The following SCAF8 variants were observed in gnomAD, a reference collection of about 807,000 sequenced individuals.
SCAF8 encodes SR-related and CTD-associated factor 8.
In SCAF8, 23 loss-of-function variants were observed where a neutral mutation model predicts 140.5. The observed-to-expected ratio is 0.16, with a 90% CI of 0.12 to 0.23. The LOEUF is 0.23. SCAF8 is among the 10% of genes least tolerant of loss of function. The probability of loss-of-function intolerance (pLI) is 1.00; values close to 1 mark genes in which losing one functional copy is unlikely to be tolerated. For missense variants in SCAF8, 1,397 were observed against 1,555.7 expected (o/e 0.90, Z 1.72); for synonymous variants, 575 against 528.9 (o/e 1.09, Z -1.20).
rs370774120 is a variant in SCAF8 at position 154,809,975 on chromosome 6, A to G, written c.1227-40A>G. 64 of 1,514,610 alleles carry G rather than the reference A, an allele frequency of 4.2e-5. 2 individuals are homozygous for G. In the South Asian group the frequency reaches 4.8e-4, roughly 11 times the overall value. 93.8% of individuals were successfully genotyped at this position (1,514,610 alleles called of 1,614,324 possible). A position where few individuals can be genotyped will look rare whatever the true frequency, so the allele number is the denominator to read the frequency against. The stretch of plus-strand genomic sequence containing the variant: ...TAGAAGTGACAGATTTGGTAGAAAG[A>G]AAACATTGTCATTAGAAGTAAAATG... On this transcript the variant is annotated intron_variant, in intron 11 of 19. Transcript: ENST00000367178.
intron 1 of SCAF8, among the ~76,000 whole-genome samples, chr6:154,755,471 G>A (rs1274629159): frequency 2.6e-5 from 4 of 151,954 alleles, no homozygotes; most frequent in Admixed American, 1.3e-4. Flanking sequence ...GTCTGGTCTC[G>A]AACTCCTGAC....
intron 3 of SCAF8, among the ~76,000 whole-genome samples, chr6:154,779,506 A>G (rs1215531290): frequency 6.6e-6 from 1 of 152,212 alleles, no homozygotes; most frequent in Admixed American, 6.5e-5. Flanking sequence ...CAATTTGAGT[A>G]GTAAAGGTTT....
chr6:154,741,915 G>GT (rs1416192712), intron 1 of SCAF8: 1 of 1,406,940 alleles, frequency 7.1e-7, no homozygotes, highest in Admixed American at 2.0e-5. Flanking sequence ...ATTTTGTCTG[G>GT]TTTTGTGTTC....
chr6:154,733,825 G>A lies in SCAF8; in HGVS notation c.-76G>A. ...CCTCCTCGCGGCCACGCAGCAGCCC[G>A]CGTCTCGCTCTCCCCACCCAGTGCA... is the stretch of plus-strand genomic sequence containing the variant. On this transcript the variant is annotated 5_prime_UTR_variant, in exon 1 of 20. Transcript: ENST00000367178. 10 of 1,495,948 alleles carry A rather than the reference G, an allele frequency of 6.7e-6. No homozygotes were observed. The highest frequency in any genetic ancestry group is 8.9e-6 in the Non-Finnish European group (10 of 1,127,024). The allele number at this position is 1,495,948 out of a possible 1,614,324, so 92.7% of individuals were successfully genotyped here.
chr6:154,775,280 C>T (rs552980362), intron 2 of SCAF8, among the ~76,000 whole-genome samples: 1 of 152,186 alleles, frequency 6.6e-6, no homozygotes, highest in East Asian at 1.9e-4. Context: ...ACATTGAAGC[C>T]AGGAAATGTT....
At chr6:154,828,255 G>C (rs1778626044) in intron 18 of SCAF8, among the ~76,000 whole-genome samples, 1 of 152,146 alleles carries the variant, frequency 6.6e-6, no homozygotes, top group Admixed American at 6.5e-5. Flanking sequence ...TGAAGAAAAA[G>C]TTTTCCTTAA....
intron 6 of SCAF8, among the ~76,000 whole-genome samples, chr6:154,796,389 C>CTCTCTCTTTGTCTG (rs376622207): frequency 7.1e-6 from 1 of 140,968 alleles, no homozygotes; most frequent in Admixed American, 7.1e-5. Flanking sequence ...CTCTCTCTCT[C>CTCTCTCTTTGTCTG]TCTGTCTCTC....
At chr6:154,737,831 C>T (rs1778465844) in intron 1 of SCAF8, among the ~76,000 whole-genome samples, 1 of 152,258 alleles carries the variant, frequency 6.6e-6, no homozygotes, top group African/African-American at 2.4e-5. Flanking sequence ...GATCTGCCCA[C>T]CTCCCCTCCC....
chr6:154,745,988 C>T (rs1043331133), intron 1 of SCAF8, among the ~76,000 whole-genome samples: 20 of 152,050 alleles, frequency 1.3e-4, no homozygotes, highest in Non-Finnish European at 2.1e-4. Context: ...CAGGTTCAAG[C>T]GATTCTCGTG....
chr6:154,765,429 A>G (rs993920048), intron 1 of SCAF8, among the ~76,000 whole-genome samples: 5 of 152,252 alleles, frequency 3.3e-5, no homozygotes, highest in Non-Finnish European at 7.3e-5. Context: ...TACTCTAACC[A>G]ATTTATAAAG....
intron 1 of SCAF8, among the ~76,000 whole-genome samples, chr6:154,757,094 C>T (rs949665740): frequency 6.6e-6 from 1 of 152,050 alleles, no homozygotes; most frequent in South Asian, 2.1e-4. Flanking sequence ...GGTGCAACCT[C>T]TGTCTTCTGG....
chr6:154,794,984 G>C, intron 5 of SCAF8, 25 bp from the exon 6 acceptor site: 1 of 1,563,282 alleles, frequency 6.4e-7, no homozygotes, highest in East Asian at 2.3e-5. Flanking sequence ...TATTTATTTG[G>C]GGGGTGTGAT....
intron 1 of SCAF8, among the ~76,000 whole-genome samples, chr6:154,736,857 T>C (rs184006009): frequency 6.6e-6 from 1 of 152,336 alleles, no homozygotes; most frequent in Admixed American, 6.5e-5. Flanking sequence ...TCCTTATTTA[T>C]TTATATGCTC....
In SCAF8 at chr6:154,820,209, A is replaced by G. The variant is rs748368104; in HGVS notation, c.1668A>G (p.Thr556=). 3.7e-6 allele frequency: 6 copies of G among 1,604,176 alleles called. No individual in the cohort carries two copies. Among genetic ancestry groups the G allele is most frequent in the Non-Finnish European group, 5.1e-6 (6 of 1,177,556 alleles). The part of the protein sequence containing the change: ...IAWALNKGVK[T]EYKQFWDVDL... ...GGGCTTTAAACAAAGGTGTAAAAACAGAATACAAACAATTCTGGGATGTGG... is the reference window on the plus strand; with the variant it reads ...GGGCTTTAAACAAAGGTGTAAAAACGGAATACAAACAATTCTGGGATGTGG... The change falls in exon 15 of 20, where the codon ACA becomes ACG. Residue 556 remains threonine, a synonymous_variant. Transcript: ENST00000367178.
intron 1 of SCAF8, among the ~76,000 whole-genome samples, chr6:154,763,749 G>GA (rs927231272): frequency 7.2e-4 from 106 of 147,224 alleles, no homozygotes; most frequent in East Asian, 5.5e-3. Context: ...TATCAAAAAA[G>GA]AAAAAAAAAA....
At chr6:154,753,411 G>A (rs1778888071) in intron 1 of SCAF8, among the ~76,000 whole-genome samples, 1 of 152,152 alleles carries the variant, frequency 6.6e-6, no homozygotes, top group East Asian at 1.9e-4. Context: ...AGGTTGCAGT[G>A]AGCCAAGATC....
intron 10 of SCAF8, 105 bp downstream of exon 10, chr6:154,808,306 A>G (rs1777982766): frequency 4.4e-6 from 5 of 1,147,060 alleles, no homozygotes; most frequent in Non-Finnish European, 6.2e-6. Context: ...CCCACACTTA[A>G]GCTCCACTTT....
At chr6:154,774,410 G>A (rs1049973626) in intron 2 of SCAF8, among the ~76,000 whole-genome samples, 2 of 152,222 alleles carry the variant, frequency 1.3e-5, no homozygotes, top group Admixed American at 6.5e-5. Flanking sequence ...TTTGATAAAT[G>A]TTCTTCCTTA....
intron 7 of SCAF8, among the ~76,000 whole-genome samples, chr6:154,802,631 T>A (rs1189317667): frequency 3.2e-4 from 25 of 77,948 alleles, no homozygotes; most frequent in South Asian, 1.4e-3. Context: ...AAAAAAAAAT[T>A]TTTTTTGAAA....
Sources: allele counts gnomAD v4.1 joint callset (sites outside exome capture counted in the v4.1 genomes callset), GRCh38; gene constraint gnomAD v4.1.1; transcripts MANE v1.5; gene names NCBI Gene and HGNC (gene_info 2026-07-23, HGNC 2026-07-21).